Variants in SESTD1 observed in about 807,000 individuals in gnomAD.
SESTD1 encodes the protein SEC14 domain and spectrin repeat-containing protein 1.
A neutral mutation model predicts 101.7 loss-of-function variants in SESTD1; 43 were observed. The ratio of observed to expected loss-of-function variants is 0.42; its 90% CI spans 0.33 to 0.55. SESTD1 has a LOEUF of 0.55. Ranked by LOEUF, SESTD1 falls within the 20% of genes least tolerant of loss-of-function variation. The pLI is 0.07. For synonymous variants in SESTD1, 283 were observed against 286.8 expected, an observed-to-expected ratio of 0.99 and a Z score of 0.13; for missense variants, 647 against 815.1, an observed-to-expected ratio of 0.79 and a Z score of 2.51.
chr2:179,161,064 A>G (rs921005731), intron 5 of SESTD1, among the ~76,000 whole-genome samples: 1 of 144,136 alleles, frequency 6.9e-6, no homozygotes, highest in Non-Finnish European at 1.5e-5. Flanking sequence ...GGTATGCACC[A>G]CCATACCTAG....
At chr2:179,149,059 C>CAAAAAAAAAAAAAAAA (rs66636048) in intron 7 of SESTD1, among the ~76,000 whole-genome samples, 1 of 60,410 alleles carries the variant, frequency 1.7e-5, no homozygotes, top group African/African-American at 5.7e-5. Context: ...GACTCCGTCT[C>CAAAAAAAAAAAAAAAA]AAAAAAAAAA....
At chr2:179,249,094 GAAA>G (rs1198155036) in intron 1 of SESTD1, among the ~76,000 whole-genome samples, 3 of 58,682 alleles carry the variant, frequency 5.1e-5, no homozygotes, top group African/African-American at 5.9e-5. Flanking sequence ...CCGTCTTTAA[GAAA>G]AAAAAAAAAA....
intron 2 of SESTD1, among the ~76,000 whole-genome samples, chr2:179,190,154 T>C (rs1272107042): frequency 6.6e-6 from 1 of 152,068 alleles, no homozygotes; most frequent in Non-Finnish European, 1.5e-5. Context: ...CAAACTACAC[T>C]ACAAGGCTGC....
chr2:179,179,430 C>A (rs1441252558), intron 3 of SESTD1, among the ~76,000 whole-genome samples: 6 of 152,204 alleles, frequency 3.9e-5, no homozygotes, highest in Non-Finnish European at 4.4e-5. Flanking sequence ...ACTTTTGACA[C>A]AGAAGACAAT....
intron 12 of SESTD1, among the ~76,000 whole-genome samples, chr2:179,122,790 G>A (rs182059939): frequency 6.6e-6 from 1 of 152,258 alleles, no homozygotes; most frequent in East Asian, 1.9e-4. Context: ...CAGCTACTTA[G>A]GAAGCTGAGG....
chr2:179,176,649 C>T (rs1341825514), intron 3 of SESTD1, 111 bp from the exon 4 acceptor site: 1 of 700,628 alleles, frequency 1.4e-6, no homozygotes, highest in Non-Finnish European at 2.3e-6. Context: ...GAATTAATCT[C>T]ACTTGGTTTA....
chr2:179,260,588 T>C (rs1336840994), intron 1 of SESTD1, among the ~76,000 whole-genome samples: 1 of 152,200 alleles, frequency 6.6e-6, no homozygotes, highest in Non-Finnish European at 1.5e-5. Context: ...TGATTTCTAG[T>C]AAACGTTTAA....
chr2:179,118,196 T>C (rs898306208), intron 13 of SESTD1, among the ~76,000 whole-genome samples: 1 of 152,224 alleles, frequency 6.6e-6, no homozygotes, highest in African/African-American at 2.4e-5. Context: ...TAATATTTAA[T>C]TCTGATTTTT....
rs1293924852 is a variant in SESTD1, at chr2:179,105,980, A to G, written c.*3919T>C. On this transcript the variant is annotated 3_prime_UTR_variant, in exon 18 of 18. Coordinates refer to ENST00000428443, the MANE Select transcript of SESTD1 (RefSeq NM_178123.5). The stretch of plus-strand genomic sequence containing the variant: ...TGAAAGTCAAATAATGTCAAATGGT[A>G]AGTTTCTACTTCATTTTATCTCATC... The G allele has an allele frequency of 6.6e-6, 1 of 152,202 alleles. No individual in the cohort carries two copies. Among genetic ancestry groups the G allele is most frequent in the Non-Finnish European group, 1.5e-5 (1 of 68,042 alleles). 9.4% of individuals were successfully genotyped at this position (152,202 alleles called of 1,614,324 possible).
chr2:179,171,018 C>A (rs1251912600), intron 5 of SESTD1, among the ~76,000 whole-genome samples: 1 of 152,102 alleles, frequency 6.6e-6, no homozygotes, highest in Admixed American at 6.6e-5. Flanking sequence ...AATTACTAAA[C>A]CTGAGAAGGG....
rs575651756 is a variant in SESTD1 at position 179,129,540 on chromosome 2, T to C, written c.972+2764A>G. On this transcript the variant is annotated intron_variant, in intron 10 of 17. Transcript: ENST00000428443. ...TAGCTTTATTTCTGCATTATGCTTTTATATGGACTCTAAAATTTAATATAT... is the reference window on the plus strand; with the variant it reads ...TAGCTTTATTTCTGCATTATGCTTTCATATGGACTCTAAAATTTAATATAT... Among the ~76,000 whole-genome samples, 11 of 152,338 alleles carry C rather than the reference T, an allele frequency of 7.2e-5. No individual in the cohort carries two copies. The South Asian group carries it at 2.1e-3, about 29-fold the overall frequency.
intron 1 of SESTD1, among the ~76,000 whole-genome samples, chr2:179,233,617 C>G (rs1249448276): frequency 2.0e-5 from 3 of 152,068 alleles, no homozygotes; most frequent in Non-Finnish European, 4.4e-5. Context: ...CAGTGCCCAG[C>G]TAATTTTTGT....
intron 5 of SESTD1, among the ~76,000 whole-genome samples, chr2:179,171,059 A>G (rs1258330458): frequency 2.6e-5 from 4 of 152,140 alleles, no homozygotes; most frequent in Admixed American, 2.6e-4. Context: ...TTTTCCTACC[A>G]CCAGTCAGGG....
chr2:179,111,181 T>G (rs962826948), intron 17 of SESTD1, among the ~76,000 whole-genome samples: 2 of 152,236 alleles, frequency 1.3e-5, no homozygotes, highest in Non-Finnish European at 2.9e-5. Context: ...TGTCTTTTAT[T>G]GCAGATGTGT....
chr2:179,154,310 G>T (rs1406787098), intron 5 of SESTD1, among the ~76,000 whole-genome samples: 1 of 149,936 alleles, frequency 6.7e-6, no homozygotes, highest in Non-Finnish European at 1.5e-5. Flanking sequence ...AGGGAGGGAG[G>T]GAGGGAGAGA....
chr2:179,221,674 T>TC (rs1198600605), intron 1 of SESTD1, among the ~76,000 whole-genome samples: 3 of 149,086 alleles, frequency 2.0e-5, no homozygotes, highest in Non-Finnish European at 3.0e-5. Flanking sequence ...TCTCAGCACT[T>TC]CGGAAGACCA....
At chr2:179,218,077 T>C (rs2046751624) in intron 1 of SESTD1, among the ~76,000 whole-genome samples, 1 of 152,206 alleles carries the variant, frequency 6.6e-6, no homozygotes, top group African/African-American at 2.4e-5. Flanking sequence ...CATGTATACC[T>C]ATGTAACAAA....
At chr2:179,150,900 C>G (rs1360060419) in intron 6 of SESTD1, among the ~76,000 whole-genome samples, 5 of 152,124 alleles carry the variant, frequency 3.3e-5, no homozygotes, top group Non-Finnish European at 1.5e-5. Context: ...AATGACAGAA[C>G]AGTAATAGCT....
At chr2:179,174,360 A>G in intron 4 of SESTD1, 1 of 430,290 alleles carries the variant, frequency 2.3e-6, no homozygotes, top group Non-Finnish European at 4.6e-6. Context: ...TACCTATCAG[A>G]AAAGAAATCG....
Sources: allele counts gnomAD v4.1 joint callset (sites outside exome capture counted in the v4.1 genomes callset), GRCh38; gene constraint gnomAD v4.1.1; transcripts MANE v1.5; gene names NCBI Gene and HGNC (gene_info 2026-07-23, HGNC 2026-07-21).